NFASC: variants seen among roughly 807,000 people sequenced by gnomAD.
NFASC encodes the protein neurofascin.
NFASC carries 43 observed loss-of-function variants against 147.5 expected under a neutral mutation model. The ratio of observed to expected loss-of-function variants is 0.29; its 90% CI spans 0.23 to 0.38. NFASC has a LOEUF of 0.38. NFASC is among the 10% of genes least tolerant of loss of function. The pLI, the probability that NFASC is intolerant of heterozygous loss-of-function variation, is 1.00. For synonymous variants in NFASC, 622 were observed against 665.5 expected, an observed-to-expected ratio of 0.93 and a Z score of 1.01; for missense variants, 1,320 against 1,689.0, an observed-to-expected ratio of 0.78 and a Z score of 3.83.
intron 2 of NFASC, among the ~76,000 whole-genome samples, chr1:204,925,032 G>A (rs1340768046): frequency 1.3e-5 from 2 of 152,126 alleles, no homozygotes; most frequent in Non-Finnish European, 2.9e-5. Flanking sequence ...CCCGCCACAT[G>A]GCTGGCTAAT....
At position 204,951,486 on chromosome 1, in the gene NFASC, T is replaced by A. The variant is rs2490416; in HGVS notation, c.110-525T>A. The stretch of plus-strand genomic sequence containing the variant: ...GCCTATGGGATTTTTTTTTTTTTTT[T>A]AAAACAGAATATCGCTCTGTCGCCC... On this transcript the variant is annotated intron_variant, in intron 4 of 29. Transcript: ENST00000339876. 1.2e-4 allele frequency among the ~76,000 whole-genome samples: 17 copies of A among 136,870 alleles called. No homozygotes were observed. In the East Asian group the frequency reaches 2.7e-3, roughly 22 times the overall value. 89.8% of individuals were successfully genotyped at this position (136,870 alleles called of 152,430 possible). A position where few individuals can be genotyped will look rare whatever the true frequency, so the allele number is the denominator to read the frequency against.
chr1:204,988,552 G>A (rs947186775), intron 22 of NFASC, 81 bp from the exon 23 acceptor site: 2 of 1,299,868 alleles, frequency 1.5e-6, no homozygotes, highest in African/African-American at 2.9e-5. Flanking sequence ...TCAGGAAAGT[G>A]TTCTTCCTCC....
At chr1:205,008,807 C>T (rs867239149) in intron 27 of NFASC, 2 of 146,638 alleles carry the variant, frequency 1.4e-5, no homozygotes, top group Admixed American at 6.6e-5. Flanking sequence ...TCACAGACCA[C>T]CGGGGGGGTC....
rs1167454800 is a variant in NFASC at position 204,975,592 on chromosome 1, C to A, written c.1706+174C>A. Among the ~76,000 whole-genome samples the A allele has an allele frequency of 1.3e-5, 2 of 151,884 alleles. No individual in the cohort carries two copies. The highest frequency in any genetic ancestry group is 4.8e-5 in the African/African-American group (2 of 41,344). ...GGCAACTCCCCTGCTTCAGGGGAGACCCCCCCACCGACCCTGTACAACCTC... is the reference window on the plus strand; with the variant it reads ...GGCAACTCCCCTGCTTCAGGGGAGAACCCCCCACCGACCCTGTACAACCTC... On this transcript the variant is annotated intron_variant, in intron 15 of 29. Coordinates refer to ENST00000339876, the MANE Select transcript of NFASC (RefSeq NM_001005388.3). This position sits in a 1 kb window ranked among gnomAD's most constrained non-coding sequence, Gnocchi z 4.0.
rs774203829 is a variant in NFASC at position 205,016,582 on chromosome 1, AGGG to A, written c.*45_*47del. ...CAGCCACCACTTTGCAAGTGGGAGG[AGGG>A]GAGAAGGGGAGACAAAACCACTGCA... On this transcript the variant is annotated 3_prime_UTR_variant, in exon 30 of 30. Transcript: ENST00000339876. The surrounding 1 kb of genome is among the most constrained non-coding windows in gnomAD (Gnocchi z 5.1). 12 of 1,389,012 alleles carry A rather than the reference AGGG, an allele frequency of 8.6e-6. No individual in the cohort carries two copies. In the East Asian group the frequency reaches 9.2e-5, roughly 11 times the overall value. 86.0% of individuals were successfully genotyped at this position (1,389,012 alleles called of 1,614,324 possible).
intron 1 of NFASC, among the ~76,000 whole-genome samples, chr1:204,859,114 A>G (rs905283267): frequency 1.3e-5 from 2 of 151,646 alleles, no homozygotes; most frequent in Admixed American, 6.6e-5. Flanking sequence ...GGTAGCTGGT[A>G]TTACAGGCGC....
intron 1 of NFASC, among the ~76,000 whole-genome samples, chr1:204,879,452 A>G (rs2079694022): frequency 6.6e-6 from 1 of 152,216 alleles, no homozygotes; most frequent in Non-Finnish European, 1.5e-5. Flanking sequence ...GGTGGAACCC[A>G]TGGACTTTGC....
At chr1:204,922,077 T>C (rs2090598740) in intron 2 of NFASC, among the ~76,000 whole-genome samples, 1 of 152,170 alleles carries the variant, frequency 6.6e-6, no homozygotes, top group African/African-American at 2.4e-5. Context: ...AGGAGTATGA[T>C]TGCAAAAGCG....
At chr1:204,829,608 T>C (rs1571771679) in intron 1 of NFASC, among the ~76,000 whole-genome samples, 1 of 152,110 alleles carries the variant, frequency 6.6e-6, no homozygotes, top group African/African-American at 2.4e-5. Context: ...TATGTTCCTC[T>C]CCAGCCATGC....
At chr1:204,836,737 A>G (rs553610745) in intron 1 of NFASC, among the ~76,000 whole-genome samples, 14 of 152,380 alleles carry the variant, frequency 9.2e-5, no homozygotes, top group African/African-American at 2.6e-4. Context: ...TGATATTTCT[A>G]TGCTGACGTA....
intron 1 of NFASC, among the ~76,000 whole-genome samples, chr1:204,885,700 T>C (rs1255320905): frequency 6.6e-6 from 1 of 152,220 alleles, no homozygotes; most frequent in Non-Finnish European, 1.5e-5. Context: ...TCAAAGTTCC[T>C]TAGCCTAGTG....
At chr1:204,950,525 C>T (rs1319004251) in intron 3 of NFASC, 32 bp from the exon 4 acceptor site, 1 of 1,606,758 alleles carries the variant, frequency 6.2e-7, no homozygotes, top group South Asian at 1.1e-5. Context: ...TTCTTTTCTC[C>T]CTCTCCAATG....
intron 4 of NFASC, among the ~76,000 whole-genome samples, chr1:204,951,645 T>G (rs571790108): frequency 6.6e-6 from 1 of 151,882 alleles, no homozygotes; most frequent in East Asian, 1.9e-4. Context: ...ATTTTTTGTA[T>G]TTTTTAGTAG....
intron 1 of NFASC, among the ~76,000 whole-genome samples, chr1:204,844,183 C>T (rs531805061): frequency 2.2e-4 from 34 of 152,286 alleles, no homozygotes; most frequent in Non-Finnish European, 4.1e-4. Flanking sequence ...TGTGTGATTT[C>T]GGCAAATGAC....
chr1:204,996,973 C>T (rs1237549916), intron 24 of NFASC, among the ~76,000 whole-genome samples, 197 bp from the exon 25 acceptor site: 2 of 152,124 alleles, frequency 1.3e-5, no homozygotes, highest in African/African-American at 4.8e-5. Context: ...ACACACAGGG[C>T]TTCATTCTCT....
chr1:204,982,662 C>T (rs1480525733), intron 21 of NFASC, among the ~76,000 whole-genome samples: 2 of 152,252 alleles, frequency 1.3e-5, no homozygotes, highest in Admixed American at 6.5e-5. Context: ...ACATATATGC[C>T]TGGCTTCCCA....
At chr1:204,989,704 A>T (rs2095683562) in intron 23 of NFASC, 1 of 152,246 alleles carries the variant, frequency 6.6e-6, no homozygotes, top group Admixed American at 6.5e-5. Context: ...CACACAAGGG[A>T]TATACAAAGG....
At chr1:204,851,471 T>C (rs1030829796) in intron 1 of NFASC, among the ~76,000 whole-genome samples, 3 of 152,134 alleles carry the variant, frequency 2.0e-5, no homozygotes, top group Admixed American at 2.0e-4. Flanking sequence ...TAGCTGGGAC[T>C]ACAGGTGCAT....
rs375828731 is a variant in NFASC at position 204,985,879 on chromosome 1, G to C, written c.2471-1539G>C. The C allele has an allele frequency of 2.6e-6, 4 of 1,518,576 alleles. No homozygotes were observed. The African/African-American group carries it at 4.1e-5, about 16-fold the overall frequency. 94.1% of individuals were successfully genotyped at this position (1,518,576 alleles called of 1,614,324 possible). A position where few individuals can be genotyped will look rare whatever the true frequency, so the allele number is the denominator to read the frequency against. On this transcript the variant is annotated intron_variant, in intron 21 of 29. Transcript: ENST00000339876. ...ACAACTAACCCAGCCCTGCCTGCCT[G>C]ACCCCTCACCAGCCTGCCTCTGTCC...
Sources: gnomAD v4.1 joint callset for allele counts (sites outside exome capture counted in the v4.1 genomes callset) on GRCh38, gnomAD v4.1.1 for gene constraint, Gnocchi (gnomAD v3.1) non-coding constraint, MANE v1.5 for transcripts, NCBI Gene and HGNC (gene_info 2026-07-23, HGNC 2026-07-21) for gene names.